CACNA2D3: variants seen among roughly 807,000 people sequenced by gnomAD.
CACNA2D3 encodes voltage-dependent calcium channel subunit alpha-2/delta-3.
Under a neutral mutation model 160.6 loss-of-function variants are expected in CACNA2D3, and 60 were observed. The observed-to-expected ratio is 0.37, with a 90% CI of 0.30 to 0.46. The LOEUF (loss-of-function observed/expected upper bound fraction) is 0.46, where lower values mean the gene tolerates loss of function less well. Among genes scored for constraint, CACNA2D3 ranks in the 20% least tolerant of loss-of-function variants. The probability of loss-of-function intolerance (pLI) is 1.00; values close to 1 mark genes in which losing one functional copy is unlikely to be tolerated. For missense variants in CACNA2D3, 1,205 were observed against 1,365.0 expected, an observed-to-expected ratio of 0.88 and a Z score of 1.85; for synonymous variants, 558 against 492.9, an observed-to-expected ratio of 1.13 and a Z score of -1.75.
intron 4 of CACNA2D3, among the ~76,000 whole-genome samples, chr3:54,472,858 T>G (rs919279405): frequency 6.6e-6 from 1 of 152,180 alleles, no homozygotes; most frequent in African/African-American, 2.4e-5. Context: ...CAAGGAGAAC[T>G]ACAAACCACT....
intron 11 of CACNA2D3, among the ~76,000 whole-genome samples, chr3:54,714,078 T>A (rs1701005712): frequency 6.6e-6 from 1 of 152,074 alleles, no homozygotes; most frequent in African/African-American, 2.4e-5. Flanking sequence ...TGGAAAGAAA[T>A]ATGTTGCAGG....
rs549977399 is a variant in CACNA2D3 at position 54,274,186 on chromosome 3, A to G, written c.205-46256A>G. ...AAACCTGGAAAATATACAAATATATATCTCTACATTTGTAGAATGATTTCT... is the reference window on the plus strand; with the variant it reads ...AAACCTGGAAAATATACAAATATATGTCTCTACATTTGTAGAATGATTTCT... On this transcript the variant is annotated intron_variant, in intron 2 of 37. Coordinates refer to ENST00000474759, the MANE Select transcript of CACNA2D3 (RefSeq NM_018398.3). 2.6e-5 allele frequency among the ~76,000 whole-genome samples: 4 copies of G among 151,884 alleles called. No individual in the cohort carries two copies. In the South Asian group the frequency reaches 6.3e-4, roughly 24 times the overall value.
chr3:54,559,709 T>C (rs1051169305), intron 5 of CACNA2D3, among the ~76,000 whole-genome samples: 2 of 152,198 alleles, frequency 1.3e-5, no homozygotes, highest in East Asian at 3.8e-4. Flanking sequence ...GCCTAGTACA[T>C]ATTAGTTATT....
chr3:54,657,588 G>A (rs1043132704), intron 11 of CACNA2D3, among the ~76,000 whole-genome samples: 2 of 152,084 alleles, frequency 1.3e-5, no homozygotes, highest in Non-Finnish European at 2.9e-5. Flanking sequence ...GTATACCTCT[G>A]ACTATTTTAG....
intron 27 of CACNA2D3, among the ~76,000 whole-genome samples, chr3:54,905,109 G>A (rs968139022): frequency 6.6e-6 from 1 of 152,130 alleles, no homozygotes; most frequent in Non-Finnish European, 1.5e-5. Flanking sequence ...CTTTATTGAG[G>A]TAGGATTTAT....
chr3:54,485,035 C>A (rs924515278), intron 4 of CACNA2D3, among the ~76,000 whole-genome samples: 2 of 151,940 alleles, frequency 1.3e-5, no homozygotes, highest in Non-Finnish European at 2.9e-5. Flanking sequence ...TTAGTAGAGA[C>A]GGGGTTTCAT....
chr3:54,506,870 C>T (rs1575493978), intron 5 of CACNA2D3, among the ~76,000 whole-genome samples: 1 of 152,268 alleles, frequency 6.6e-6, no homozygotes, highest in East Asian at 1.9e-4. Flanking sequence ...AGGCAGGATG[C>T]TTTTGCAAGA....
At chr3:54,666,188 A>G (rs1486420378) in intron 11 of CACNA2D3, among the ~76,000 whole-genome samples, 2 of 152,198 alleles carry the variant, frequency 1.3e-5, no homozygotes, top group Admixed American at 1.3e-4. Flanking sequence ...AAACTCAAGA[A>G]TCTTTTAGTT....
intron 4 of CACNA2D3, among the ~76,000 whole-genome samples, chr3:54,436,710 A>G (rs953866356): frequency 2.0e-5 from 3 of 152,216 alleles, no homozygotes; most frequent in Non-Finnish European, 4.4e-5. Context: ...GTTCTCACTC[A>G]TAAGTGGGAG....
chr3:54,181,213 A>G (rs537939990), intron 2 of CACNA2D3, among the ~76,000 whole-genome samples: 3 of 152,340 alleles, frequency 2.0e-5, no homozygotes, highest in South Asian at 4.1e-4. Context: ...GAGGCACTTT[A>G]TAAATAAATT....
At chr3:54,500,556 T>TTCCTTC (rs1559498664) in intron 4 of CACNA2D3, among the ~76,000 whole-genome samples, 17 of 92,626 alleles carry the variant, frequency 1.8e-4, no homozygotes, top group African/African-American at 8.4e-4. Context: ...TTCCTTCCTT[T>TTCCTTC]CTCTCTCTTT....
intron 13 of CACNA2D3, among the ~76,000 whole-genome samples, chr3:54,774,698 G>A (rs1377621297): frequency 2.9e-5 from 4 of 136,752 alleles, no homozygotes; most frequent in African/African-American, 8.3e-5. Flanking sequence ...GCAGTGGTAC[G>A]ATCTTGGCTC....
chr3:55,038,204 A>C (rs541695275), intron 35 of CACNA2D3, among the ~76,000 whole-genome samples: 282 of 152,340 alleles, frequency 1.9e-3, no homozygotes, highest in Non-Finnish European at 3.4e-3. Context: ...ATTGAAATCC[A>C]TGCTAAGACC....
chr3:54,772,285 C>A (rs1702335002), intron 13 of CACNA2D3, among the ~76,000 whole-genome samples: 1 of 151,018 alleles, frequency 6.6e-6, no homozygotes, highest in South Asian at 2.1e-4. Flanking sequence ...GGCTGAAAAC[C>A]CAGCAGCAGT....
intron 11 of CACNA2D3, among the ~76,000 whole-genome samples, chr3:54,701,782 A>T (rs573573063): frequency 6.6e-6 from 1 of 152,216 alleles, no homozygotes; most frequent in South Asian, 2.1e-4. Context: ...GAGTCTGAAT[A>T]GCCAAAGCAA....
At chr3:54,828,645 A>T (rs1338974574) in intron 14 of CACNA2D3, among the ~76,000 whole-genome samples, 1 of 150,934 alleles carries the variant, frequency 6.6e-6, no homozygotes, top group Non-Finnish European at 1.5e-5. Flanking sequence ...CCAGCATTAT[A>T]TTCACAAAGT....
chr3:54,428,054 T>A (rs1187647490), intron 4 of CACNA2D3, among the ~76,000 whole-genome samples: 2 of 152,222 alleles, frequency 1.3e-5, no homozygotes, highest in African/African-American at 4.8e-5. Flanking sequence ...CAAGTCATTT[T>A]GAAAAATGTC....
intron 11 of CACNA2D3, among the ~76,000 whole-genome samples, chr3:54,736,756 C>T (rs1223708147): frequency 6.6e-6 from 1 of 152,134 alleles, no homozygotes; most frequent in Admixed American, 6.6e-5. Flanking sequence ...ATTGTGTTCT[C>T]ATGTCATAAT....
At chr3:54,726,658 T>C (rs1478845073) in intron 11 of CACNA2D3, among the ~76,000 whole-genome samples, 2 of 152,102 alleles carry the variant, frequency 1.3e-5, no homozygotes, top group Non-Finnish European at 2.9e-5. Context: ...AAACAAGTAA[T>C]GGGGAAAAGA....
Sources: gnomAD v4.1 joint callset for allele counts (sites outside exome capture counted in the v4.1 genomes callset) on GRCh38, gnomAD v4.1.1 for gene constraint, MANE v1.5 for transcripts, NCBI Gene and HGNC (gene_info 2026-07-23, HGNC 2026-07-21) for gene names.